AP4S1: variants seen among roughly 807,000 people sequenced by gnomAD.
AP4S1 encodes the protein AP-4 complex subunit sigma-1.
In AP4S1, 23 loss-of-function variants were observed where a neutral mutation model predicts 19.8. The ratio of observed to expected loss-of-function variants is 1.16; its 90% CI spans 0.84 to 1.65. AP4S1 has a LOEUF of 1.65. AP4S1 is among the 40% of genes most tolerant of loss of function. The probability of loss-of-function intolerance (pLI) is 0.00; values close to 1 mark genes in which losing one functional copy is unlikely to be tolerated. For missense variants in AP4S1, 166 were observed against 172.8 expected (o/e 0.96, Z 0.22); for synonymous variants, 46 against 54.1 (o/e 0.85, Z 0.66).
At chr14:31,035,816 G>T (rs765715786) in intron 1 of AP4S1, among the ~76,000 whole-genome samples, 1 of 149,524 alleles carries the variant, frequency 6.7e-6, no homozygotes, top group African/African-American at 2.5e-5. Context: ...TGCAACTTCC[G>T]CCTCCTGGGT....
chr14:31,088,051 G>T (rs1469551622), intron 5 of AP4S1, among the ~76,000 whole-genome samples: 2 of 152,194 alleles, frequency 1.3e-5, no homozygotes, highest in African/African-American at 4.8e-5. Context: ...TCTCCAGCAT[G>T]GGAGCTCTAG....
At chr14:31,025,854 G>A (rs1308646338) in intron 1 of AP4S1, 67 bp downstream of exon 1, 2 of 1,565,420 alleles carry the variant, frequency 1.3e-6, no homozygotes, top group Non-Finnish European at 8.6e-7. Context: ...CCACCCCCCG[G>A]CCGGGAACCC....
intron 1 of AP4S1, among the ~76,000 whole-genome samples, chr14:31,038,602 T>C (rs1222551832): frequency 6.6e-6 from 1 of 152,186 alleles, no homozygotes; most frequent in African/African-American, 2.4e-5. Flanking sequence ...GGTAATGAGC[T>C]TTGGGTGAGA....
At chr14:31,054,359 AC>A (rs1885978961) in intron 1 of AP4S1, among the ~76,000 whole-genome samples, 1 of 152,142 alleles carries the variant, frequency 6.6e-6, no homozygotes, top group African/African-American at 2.4e-5. Context: ...ACATAGCAAG[AC>A]CCCGTGTCTA....
intron 1 of AP4S1, among the ~76,000 whole-genome samples, chr14:31,039,784 T>G (rs1185079083): frequency 6.6e-6 from 1 of 150,992 alleles, no homozygotes; most frequent in Non-Finnish European, 1.5e-5. Context: ...AGAGACGGGG[T>G]TTCACCGTGT....
intron 5 of AP4S1, among the ~76,000 whole-genome samples, chr14:31,090,386 A>C (rs1041587634): frequency 3.3e-5 from 5 of 152,214 alleles, no homozygotes; most frequent in Admixed American, 6.5e-5. Context: ...GAAAATTCAG[A>C]AAGGCTCTTA....
chr14:31,027,532 C>T (rs1884090378), intron 1 of AP4S1, among the ~76,000 whole-genome samples: 1 of 152,074 alleles, frequency 6.6e-6, no homozygotes, highest in South Asian at 2.1e-4. Flanking sequence ...CATGGTGGCG[C>T]ACACCTGTAG....
At chr14:31,053,141 A>G (rs572998326) in intron 1 of AP4S1, among the ~76,000 whole-genome samples, 3 of 152,084 alleles carry the variant, frequency 2.0e-5, no homozygotes, top group Admixed American at 1.3e-4. Context: ...AGTTTTCACT[A>G]TGTTGGCCAG....
At chr14:31,058,806 G>T (rs896746051) in intron 1 of AP4S1, among the ~76,000 whole-genome samples, 4 of 150,898 alleles carry the variant, frequency 2.7e-5, no homozygotes, top group African/African-American at 9.8e-5. Flanking sequence ...CAACTTCTGG[G>T]CTCAAGCTAT....
At chr14:31,030,940 T>G (rs1884353480) in intron 1 of AP4S1, among the ~76,000 whole-genome samples, 1 of 152,180 alleles carries the variant, frequency 6.6e-6, no homozygotes, top group East Asian at 1.9e-4. Flanking sequence ...GTAATGCAAT[T>G]GATATGGTTT....
chr14:31,090,474 CT>C (rs1888048171), intron 5 of AP4S1, among the ~76,000 whole-genome samples: 1 of 152,190 alleles, frequency 6.6e-6, no homozygotes, highest in African/African-American at 2.4e-5. Flanking sequence ...TCAGCTCAAC[CT>C]TAGGGAGCCC....
chr14:31,078,538 T>C (rs1458650157), intron 4 of AP4S1, among the ~76,000 whole-genome samples: 1 of 152,170 alleles, frequency 6.6e-6, no homozygotes, highest in African/African-American at 2.4e-5. Flanking sequence ...TGATTAGCCA[T>C]TTCAAGGTGA....
chr14:31,035,638 CT>C (rs59967096), intron 1 of AP4S1, among the ~76,000 whole-genome samples: 731 of 133,438 alleles, frequency 5.5e-3, no homozygotes, highest in African/African-American at 8.5e-3. Flanking sequence ...GTTTTTAGGT[CT>C]TTTTTTTTTT....
At position 31,073,185 on chromosome 14, in the gene AP4S1, G is replaced by GAAA. The variant is rs140738043; in HGVS notation, c.294+225_294+227dup. The GAAA allele has an allele frequency of 2.0e-3, 836 of 415,582 alleles. 6 individuals are homozygous for GAAA. Among genetic ancestry groups the GAAA allele is most frequent in the African/African-American group, 0.015 (688 of 45,836 alleles). 25.7% of individuals were successfully genotyped at this position (415,582 alleles called of 1,614,324 possible). A position where few individuals can be genotyped will look rare whatever the true frequency, so the allele number is the denominator to read the frequency against. ...TGCCTGAGATCTTTATAAAGAACTG[G>GAAA]AAAAAAAAAAAAAAACCTCTTATAG... On this transcript the variant is annotated intron_variant, in intron 4 of 5. Coordinates refer to ENST00000542754, the MANE Select transcript of AP4S1 (RefSeq NM_001128126.3).
At chr14:31,036,469 C>T (rs1363109904) in intron 1 of AP4S1, among the ~76,000 whole-genome samples, 1 of 152,208 alleles carries the variant, frequency 6.6e-6, no homozygotes, top group Non-Finnish European at 1.5e-5. Flanking sequence ...TGGCATCACA[C>T]CAGCTGGCAC....
In AP4S1 at chr14:31,088,879, G is replaced by A. The variant is rs1284113898; in HGVS notation, c.307-4028G>A. On this transcript the variant is annotated intron_variant, in intron 5 of 5. Transcript: ENST00000542754. ...CAAGAGACAAAATGTGAACAGGGCC[G>A]GGCACAGTGGCTCATGCTTGTAATT... is the stretch of plus-strand genomic sequence containing the variant. 6.6e-5 allele frequency among the ~76,000 whole-genome samples: 10 copies of A among 150,522 alleles called. No individual in the cohort carries two copies. In the South Asian group the frequency reaches 8.4e-4, roughly 13 times the overall value.
At chr14:31,041,163 T>C (rs1384204118) in intron 1 of AP4S1, among the ~76,000 whole-genome samples, 1 of 152,102 alleles carries the variant, frequency 6.6e-6, no homozygotes, top group Non-Finnish European at 1.5e-5. Flanking sequence ...TATTTTTTTG[T>C]TTTTGAGACG....
At chr14:31,059,474 A>AT (rs979070951) in intron 1 of AP4S1, among the ~76,000 whole-genome samples, 3 of 152,148 alleles carry the variant, frequency 2.0e-5, no homozygotes, top group Non-Finnish European at 2.9e-5. Context: ...CCTTTGAGAC[A>AT]TTTTTTTCCT....
intron 4 of AP4S1, among the ~76,000 whole-genome samples, chr14:31,073,489 CA>C (rs1363870563): frequency 6.8e-6 from 1 of 147,162 alleles, no homozygotes; most frequent in African/African-American, 2.5e-5. Context: ...GACTCCGTCT[CA>C]GAAAAAAAAA....
Sources: allele counts gnomAD v4.1 joint callset (sites outside exome capture counted in the v4.1 genomes callset), GRCh38; gene constraint gnomAD v4.1.1; transcripts MANE v1.5; gene names NCBI Gene and HGNC (gene_info 2026-07-23, HGNC 2026-07-21).